Variants in PIWIL4 observed in about 807,000 individuals in gnomAD.
The protein encoded by PIWIL4 is piwi like RNA-mediated gene silencing 4.
Under a neutral mutation model 100.9 loss-of-function variants are expected in PIWIL4, and 50 were observed. That is an observed-to-expected ratio of 0.50 (90% CI 0.39 to 0.63). The LOEUF (loss-of-function observed/expected upper bound fraction) is 0.63, where lower values mean the gene tolerates loss of function less well. PIWIL4 is among the 20% of genes least tolerant of loss of function. The probability of loss-of-function intolerance (pLI) is 0.00; values close to 1 mark genes in which losing one functional copy is unlikely to be tolerated. For missense variants in PIWIL4, 887 were observed against 1,043.3 expected (o/e 0.85, Z 2.06); for synonymous variants, 342 against 367.5 (o/e 0.93, Z 0.79).
chr11:94,620,542 A>C (rs975747706), intron 19 of PIWIL4, among the ~76,000 whole-genome samples: 3 of 152,174 alleles, frequency 2.0e-5, no homozygotes, highest in Non-Finnish European at 1.5e-5. Context: ...CCTGTGCATT[A>C]GGCCAAGAGC....
intron 15 of PIWIL4, among the ~76,000 whole-genome samples, chr11:94,609,968 G>A (rs1369368001): frequency 1.3e-5 from 2 of 151,990 alleles, no homozygotes; most frequent in East Asian, 1.9e-4. Flanking sequence ...TCAACATGCT[G>A]TACATTGTGT....
intron 15 of PIWIL4, among the ~76,000 whole-genome samples, chr11:94,614,302 T>TTC (rs1162761428): frequency 6.9e-6 from 1 of 145,668 alleles, no homozygotes; most frequent in African/African-American, 2.6e-5. Context: ...TTTCTTTTCT[T>TTC]TTTTTTTTTT....
chr11:94,580,463 G>T (rs1948296095), intron 4 of PIWIL4, among the ~76,000 whole-genome samples: 1 of 152,000 alleles, frequency 6.6e-6, no homozygotes, highest in Non-Finnish European at 1.5e-5. Context: ...CACTGTCCAG[G>T]TCCTATCTGT....
chr11:94,617,866 C>A, intron 16 of PIWIL4, 88 bp from the exon 17 acceptor site: 2 of 1,426,114 alleles, frequency 1.4e-6, no homozygotes, highest in African/African-American at 1.4e-5. Context: ...AAATAGCAAA[C>A]CCATTTAAAC....
intron 12 of PIWIL4, among the ~76,000 whole-genome samples, chr11:94,602,651 G>A (rs560055407): frequency 3.9e-5 from 6 of 152,304 alleles, no homozygotes; most frequent in African/African-American, 1.4e-4. Context: ...AAGCCATAAA[G>A]TTGGTCATGC....
chr11:94,581,846 C>G (rs1948324084), intron 4 of PIWIL4, among the ~76,000 whole-genome samples: 1 of 152,210 alleles, frequency 6.6e-6, no homozygotes, highest in South Asian at 2.1e-4. Context: ...TGTTCCACAT[C>G]ACACCAGCTG....
intron 6 of PIWIL4, among the ~76,000 whole-genome samples, chr11:94,586,714 C>T (rs1295853542): frequency 1.1e-4 from 17 of 152,140 alleles, no homozygotes; most frequent in Admixed American, 9.2e-4. Context: ...TGGGAGGCTG[C>T]TACTGGCGTC....
At chr11:94,617,265 A>G (rs1237658156) in intron 16 of PIWIL4, among the ~76,000 whole-genome samples, 1 of 152,258 alleles carries the variant, frequency 6.6e-6, no homozygotes, top group African/African-American at 2.4e-5. Flanking sequence ...AACTCTTAAA[A>G]TAACTATGCA....
intron 16 of PIWIL4, 21 bp downstream of exon 16, chr11:94,616,584 T>G (rs1237591846): frequency 6.3e-7 from 1 of 1,577,876 alleles, no homozygotes; most frequent in South Asian, 1.1e-5. Context: ...TATAGCAATG[T>G]GGGTGGGCTC....
rs1296593527 is a variant in PIWIL4, at chr11:94,620,027, C to T, written c.2325C>T (p.Ala775=). The change falls in exon 19 of 20, where the codon GCC becomes GCT. Residue 775 remains alanine, a synonymous_variant. Transcript: ENST00000299001. ...WYDFYLISQV[A]CRGTVSPTYY... ...ACTTTTATCTGATCAGCCAGGTGGC[C>T]TGCCGGGGAACTGTTAGTCCTACCT... The T allele has an allele frequency of 6.2e-7, 1 of 1,614,130 alleles. No homozygotes were observed. Among genetic ancestry groups the T allele is most frequent in the Admixed American group, 1.7e-5 (1 of 59,994 alleles).
At chr11:94,610,764 G>A (rs1948780177) in intron 15 of PIWIL4, among the ~76,000 whole-genome samples, 1 of 152,030 alleles carries the variant, frequency 6.6e-6, no homozygotes, top group Non-Finnish European at 1.5e-5. Context: ...CATTATGTAA[G>A]TTGCTTTTCA....
intron 5 of PIWIL4, among the ~76,000 whole-genome samples, chr11:94,584,389 C>T (rs529833461): frequency 2.0e-5 from 3 of 152,278 alleles, no homozygotes; most frequent in South Asian, 4.1e-4. Context: ...CCCAGATGTC[C>T]TAATTCCTAA....
intron 5 of PIWIL4, 63 bp downstream of exon 5, chr11:94,583,632 T>C: frequency 6.3e-7 from 1 of 1,593,152 alleles, no homozygotes; most frequent in South Asian, 1.1e-5. Flanking sequence ...AGAGCCTGGG[T>C]ATTAAAATAA....
At chr11:94,581,311 A>T (rs7342170) in intron 4 of PIWIL4, among the ~76,000 whole-genome samples, 37,988 of 152,074 alleles carry the variant, frequency 0.25, 4,921 homozygotes, top group East Asian at 0.28. Context: ...AAAGGCAAGA[A>T]TATTTCTAGC....
Position 94,621,193 on chromosome 11 carries a change from G to A in PIWIL4, c.*201G>A. On this transcript the variant is annotated 3_prime_UTR_variant, in exon 20 of 20. Transcript: ENST00000299001. ...TTTTGTTTTAAAGAGTTGTATGCTTGGGGTAAATTTTCATTGTCATATGTG... is the reference window on the plus strand; with the variant it reads ...TTTTGTTTTAAAGAGTTGTATGCTTAGGGTAAATTTTCATTGTCATATGTG... 1 of 502,508 alleles carries A rather than the reference G, an allele frequency of 2.0e-6. No homozygotes were observed. Among genetic ancestry groups the A allele is most frequent in the Non-Finnish European group, 3.5e-6 (1 of 282,556 alleles). 31.1% of individuals were successfully genotyped at this position (502,508 alleles called of 1,614,324 possible). A position where few individuals can be genotyped will look rare whatever the true frequency, so the allele number is the denominator to read the frequency against.
At chr11:94,568,851 A>G in intron 2 of PIWIL4, 43 bp downstream of exon 2, 1 of 1,530,990 alleles carries the variant, frequency 6.5e-7, no homozygotes, top group Non-Finnish European at 9.0e-7. Flanking sequence ...ATTCAACCTG[A>G]ATGGAGCAAG....
At position 94,617,955 on chromosome 11, in the gene PIWIL4, A is replaced by G. The variant is rs1341100556; in HGVS notation, c.2016A>G (p.Gly672=). Reference sequence around the variant, plus strand: ...TCTTACTGACACCAAATTCTGCAGGAGCACTCAACAAATGGTACAAGTACA... The same window carrying G: ...TCTTACTGACACCAAATTCTGCAGGGGCACTCAACAAATGGTACAAGTACA... The part of the protein sequence containing the change: ...VADCLKVFMT[G]ALNKWYKYNH... The change falls in exon 17 of 20, where the codon GGA becomes GGG. Residue 672 remains glycine (G), a splice_region_variant and synonymous_variant. Transcript: ENST00000299001. The G allele has an allele frequency of 2.5e-6, 4 of 1,613,722 alleles. No individual in the cohort carries two copies. The highest frequency in any genetic ancestry group is 3.4e-6 in the Non-Finnish European group (4 of 1,179,806).
intron 17 of PIWIL4, among the ~76,000 whole-genome samples, 189 bp from the exon 18 acceptor site, chr11:94,619,571 G>A (rs554917786): frequency 2.0e-5 from 3 of 152,218 alleles, no homozygotes; most frequent in Non-Finnish European, 2.9e-5. Context: ...CAACAAATAC[G>A]GACAATCCCT....
At chr11:94,596,970 C>T (rs1361443126) in intron 10 of PIWIL4, among the ~76,000 whole-genome samples, 4 of 152,150 alleles carry the variant, frequency 2.6e-5, no homozygotes, top group Admixed American at 2.6e-4. Flanking sequence ...GTGGGGATCT[C>T]CTCCATGTCC....
Sources: allele counts gnomAD v4.1 joint callset (sites outside exome capture counted in the v4.1 genomes callset), GRCh38; gene constraint gnomAD v4.1.1; transcripts MANE v1.5; gene names NCBI Gene and HGNC (gene_info 2026-07-23, HGNC 2026-07-21).